Variants in MAP4 observed in about 807,000 individuals in gnomAD.
MAP4 encodes the protein microtubule-associated protein 4.
Under a neutral mutation model 170.2 loss-of-function variants are expected in MAP4, and 76 were observed. The observed-to-expected ratio is 0.45, with a 90% CI of 0.37 to 0.54. The LOEUF (loss-of-function observed/expected upper bound fraction) is 0.54. Among genes scored for constraint, MAP4 ranks in the 20% least tolerant of loss-of-function variants. The pLI is 0.00. For synonymous variants in MAP4, 909 were observed against 994.5 expected (o/e 0.91, Z 1.62); for missense variants, 2,506 against 2,748.0 (o/e 0.91, Z 1.97).
intron 17 of MAP4, among the ~76,000 whole-genome samples, chr3:47,859,782 A>T (rs1041723376): frequency 2.6e-5 from 4 of 152,148 alleles, no homozygotes; most frequent in African/African-American, 4.8e-5. Context: ...CTAGATAGAA[A>T]TTTTTTTCTT....
At chr3:47,921,726 TC>T in intron 5 of MAP4, 38 bp downstream of exon 5, 1 of 1,280,218 alleles carries the variant, frequency 7.8e-7, no homozygotes, top group South Asian at 1.2e-5. Flanking sequence ...AAAATTTTTT[TC>T]CTTCCCTACA....
chr3:47,991,890 C>T lies in MAP4; in HGVS notation c.223+6748G>A, dbSNP rs537687164. 4.6e-5 allele frequency among the ~76,000 whole-genome samples: 7 copies of T among 151,782 alleles called. No individual in the cohort carries two copies. The South Asian group carries it at 6.3e-4, about 14-fold the overall frequency. On this transcript the variant is annotated intron_variant, in intron 2 of 20. Transcript: ENST00000683076. Reference sequence around the variant, plus strand: ...TTCACCATGTTAGCCAGGCTGGTCTCGAACTCCTGACCTCAGGTGATCCAC... The same window carrying T: ...TTCACCATGTTAGCCAGGCTGGTCTTGAACTCCTGACCTCAGGTGATCCAC...
intron 4 of MAP4, 127 bp from the exon 5 acceptor site, chr3:47,922,005 T>G: frequency 1.7e-6 from 1 of 576,432 alleles, no homozygotes; most frequent in Non-Finnish European, 3.1e-6. Context: ...TGGAGTGCAG[T>G]GGTGCCATCT....
At chr3:48,069,880 T>A (rs540762798) in intron 1 of MAP4, among the ~76,000 whole-genome samples, 1 of 152,196 alleles carries the variant, frequency 6.6e-6, no homozygotes, top group African/African-American at 2.4e-5. Flanking sequence ...TATATGACCA[T>A]GCAATACTGA....
At chr3:48,059,985 A>AC (rs1406332999) in intron 1 of MAP4, among the ~76,000 whole-genome samples, 40 of 151,990 alleles carry the variant, frequency 2.6e-4, no homozygotes, top group Non-Finnish European at 1.5e-4. Context: ...AAAAAAAAAA[A>AC]AACTTTTGAA....
intron 2 of MAP4, among the ~76,000 whole-genome samples, chr3:47,983,319 C>T (rs1195136397): frequency 6.6e-6 from 1 of 152,152 alleles, no homozygotes; most frequent in Non-Finnish European, 1.5e-5. Context: ...AATGATCCTC[C>T]TCCCTCAGCC....
chr3:48,031,287 C>T (rs761795650), intron 1 of MAP4, among the ~76,000 whole-genome samples: 3 of 152,042 alleles, frequency 2.0e-5, no homozygotes, highest in Non-Finnish European at 4.4e-5. Context: ...TGCGGTGGCT[C>T]ACACCTGTAA....
intron 4 of MAP4, among the ~76,000 whole-genome samples, chr3:47,925,506 G>C (rs544883873): frequency 6.6e-6 from 1 of 151,908 alleles, no homozygotes; most frequent in Non-Finnish European, 1.5e-5. Flanking sequence ...ATAAAATAAT[G>C]AACAAAATAT....
chr3:47,920,474 C>T (rs2100042199), intron 5 of MAP4, among the ~76,000 whole-genome samples: 1 of 151,944 alleles, frequency 6.6e-6, no homozygotes, highest in Non-Finnish European at 1.5e-5. Context: ...AACTCCTGGC[C>T]TCAAGTGATC....
chr3:48,043,468 AAAAG>A (rs979636141), intron 1 of MAP4, among the ~76,000 whole-genome samples: 1 of 151,226 alleles, frequency 6.6e-6, no homozygotes, highest in African/African-American at 2.5e-5. Context: ...ACTGTTACCA[AAAAG>A]AGAGATAACA....
Position 47,910,034 on chromosome 3 carries a change from T to G in MAP4, c.4387A>C (p.Lys1463Gln). ...GCTGGGGCTATCTCTTGCCCATTTT[T>G]TGCCAAGGTATCTGGAAAGGAATCA... The part of the protein sequence containing the change: ...EGDSFPDTLA[K>Q]NGQEIAPAQI... Residue 1463 changes from lysine to glutamine, a missense_variant, in exon 9 of 21, where the codon AAA becomes CAA. Lys to Gln is a moderately conservative substitution (Grantham distance 53). Around this residue, in one of 3 missense-constraint regions of MAP4, gnomAD observed 2,008 missense variants for 2,206.0 expected, o/e 0.91. Coordinates refer to ENST00000683076, the MANE Select transcript of MAP4 (RefSeq NM_001385682.1). The G allele has an allele frequency of 6.2e-7, 1 of 1,614,052 alleles. No individual in the cohort carries two copies. The highest frequency in any genetic ancestry group is 8.5e-7 in the Non-Finnish European group (1 of 1,179,894).
chr3:47,971,860 G>C (rs570578043), intron 3 of MAP4, among the ~76,000 whole-genome samples: 1 of 152,254 alleles, frequency 6.6e-6, no homozygotes, highest in South Asian at 2.1e-4. Context: ...AGTCAATAAG[G>C]AGGAAGAATC....
intron 1 of MAP4, among the ~76,000 whole-genome samples, chr3:48,067,552 A>G (rs149867853): frequency 6.6e-6 from 1 of 151,972 alleles, no homozygotes; most frequent in East Asian, 1.9e-4. Context: ...AAAAATATAG[A>G]GGCGGTCTGG....
intron 9 of MAP4, among the ~76,000 whole-genome samples, chr3:47,908,070 A>G (rs751436664): frequency 1.3e-5 from 2 of 152,148 alleles, no homozygotes; most frequent in Non-Finnish European, 2.9e-5. Context: ...TTCTGGAGTT[A>G]GTAGCTACAT....
chr3:47,858,688 C>A (rs2060812232), intron 17 of MAP4, among the ~76,000 whole-genome samples: 1 of 151,442 alleles, frequency 6.6e-6, no homozygotes, highest in Admixed American at 6.6e-5. Flanking sequence ...ACAATTTTCC[C>A]AGCCAGGTGC....
At chr3:47,990,224 A>T (rs2100091315) in intron 2 of MAP4, among the ~76,000 whole-genome samples, 2 of 152,248 alleles carry the variant, frequency 1.3e-5, no homozygotes, top group Non-Finnish European at 1.5e-5. Context: ...ATCTATTAAT[A>T]GTTGTCACTT....
chr3:48,000,060 CA>C, intron 1 of MAP4, among the ~76,000 whole-genome samples: 1 of 151,450 alleles, frequency 6.6e-6, no homozygotes, highest in Admixed American at 6.6e-5. Flanking sequence ...ACTAAAAATG[CA>C]AAAATTAGCA....
chr3:47,896,444 G>A (rs1304642189), intron 10 of MAP4, among the ~76,000 whole-genome samples: 1 of 152,046 alleles, frequency 6.6e-6, no homozygotes, highest in East Asian at 1.9e-4. Context: ...CAGGAGAATC[G>A]CTTGAACCCG....
intron 2 of MAP4, among the ~76,000 whole-genome samples, chr3:47,990,660 A>G (rs1362353941): frequency 6.6e-6 from 1 of 152,224 alleles, no homozygotes; most frequent in African/African-American, 2.4e-5. Flanking sequence ...ATACTGTGCT[A>G]GATGATCATC....
Sources: gnomAD v4.1 joint callset for allele counts (sites outside exome capture counted in the v4.1 genomes callset) on GRCh38, gnomAD v4.1.1 for gene constraint, gnomAD v4.1.1 regional missense constraint, MANE v1.5 for transcripts, NCBI Gene and HGNC (gene_info 2026-07-23, HGNC 2026-07-21) for gene names.